The following MPP7 variants were observed in gnomAD, a reference collection of about 807,000 sequenced individuals.
MPP7 encodes MAGUK p55 subfamily member 7.
MPP7 carries 60 observed loss-of-function variants against 76.5 expected under a neutral mutation model. The ratio of observed to expected loss-of-function variants is 0.78; its 90% CI spans 0.64 to 0.97. The LOEUF is 0.97. MPP7 is among the 50% of genes least tolerant of loss of function. The pLI, the probability that MPP7 is intolerant of heterozygous loss-of-function variation, is 0.00. For missense variants in MPP7, 641 were observed against 694.0 expected (o/e 0.92, Z 0.86); for synonymous variants, 237 against 244.5 (o/e 0.97, Z 0.29).
chr10:28,193,612 A>G (rs568139447), intron 3 of MPP7, among the ~76,000 whole-genome samples: 1 of 152,318 alleles, frequency 6.6e-6, no homozygotes, highest in Non-Finnish European at 1.5e-5. Flanking sequence ...TTTGTGAGAG[A>G]CACCACTAAG....
chr10:28,072,920 G>A (rs146336411), intron 12 of MPP7, among the ~76,000 whole-genome samples: 1 of 152,050 alleles, frequency 6.6e-6, no homozygotes, highest in East Asian at 1.9e-4. Context: ...TATCACACTT[G>A]CCAATGAAAC....
chr10:28,126,031 A>G (rs1250808126), intron 6 of MPP7, among the ~76,000 whole-genome samples: 5 of 152,242 alleles, frequency 3.3e-5, no homozygotes, highest in Non-Finnish European at 7.3e-5. Flanking sequence ...ATTTTTCTCC[A>G]GTTTGTCAAT....
chr10:28,301,352 C>A (rs1169759247), intron 1 of MPP7, among the ~76,000 whole-genome samples: 1 of 152,064 alleles, frequency 6.6e-6, no homozygotes. Flanking sequence ...GGAAAGCTTC[C>A]CAAAATTTAA....
At chr10:28,309,810 G>A (rs1841279128) in intron 2 of MPP7, among the ~76,000 whole-genome samples, 1 of 151,758 alleles carries the variant, frequency 6.6e-6, no homozygotes, top group African/African-American at 2.4e-5. Flanking sequence ...ATCTGGTTGA[G>A]TAAAGTGTGT....
chr10:28,157,520 T>A (rs1836107697), intron 3 of MPP7, among the ~76,000 whole-genome samples: 1 of 152,234 alleles, frequency 6.6e-6, no homozygotes, highest in South Asian at 2.1e-4. Flanking sequence ...AAACTGGTTG[T>A]CACTTCCTTA....
chr10:28,217,673 G>C (rs913006577), intron 2 of MPP7, among the ~76,000 whole-genome samples: 1 of 151,954 alleles, frequency 6.6e-6, no homozygotes, highest in African/African-American at 2.4e-5. Flanking sequence ...ATTATCTTCT[G>C]AATTACTAAG....
chr10:28,230,149 A>C (rs1838833239), intron 2 of MPP7, among the ~76,000 whole-genome samples: 1 of 152,168 alleles, frequency 6.6e-6, no homozygotes, highest in South Asian at 2.1e-4. Context: ...GTATAACATC[A>C]AGACATAGGG....
At chr10:28,238,517 C>T (rs769173997) in intron 2 of MPP7, 51 bp downstream of exon 2, 3 of 1,594,782 alleles carry the variant, frequency 1.9e-6, no homozygotes, top group Non-Finnish European at 2.6e-6. Flanking sequence ...TCACTGTGAA[C>T]AAGATTTAAG....
chr10:28,147,557 C>T lies in MPP7; in HGVS notation c.241G>A (p.Glu81Lys), dbSNP rs142463330. Residue 81 changes from glutamate to lysine, a missense_variant, in exon 5 of 17, where the codon GAA becomes AAA. Coordinates refer to ENST00000683449, the MANE Select transcript of MPP7 (RefSeq NM_001318170.2). ...TTTAATGGCTTGTTCTGAAGCTCTT[C>T]GGCCAGCTGCAACGGAGATTACATT... ...GAAALADDLA[E>K]ELQNKPLNSE... The T allele has an allele frequency of 2.9e-5, 46 of 1,613,772 alleles. 1 individual carries two copies. Among genetic ancestry groups the T allele is most frequent in the Middle Eastern group, 1.6e-4 (1 of 6,084 alleles).
intron 1 of MPP7, among the ~76,000 whole-genome samples, chr10:28,255,854 G>A (rs1839767783): frequency 6.6e-6 from 1 of 152,214 alleles, no homozygotes; most frequent in Non-Finnish European, 1.5e-5. Context: ...AATATGTCAA[G>A]TACTCATTAG....
At chr10:28,222,021 G>T (rs191153768) in intron 2 of MPP7, among the ~76,000 whole-genome samples, 9 of 152,180 alleles carry the variant, frequency 5.9e-5, no homozygotes, top group African/African-American at 2.2e-4. Flanking sequence ...AGAGGAAAAG[G>T]TCATGTTGTT....
intron 3 of MPP7, among the ~76,000 whole-genome samples, chr10:28,198,204 T>G (rs899170190): frequency 1.3e-5 from 2 of 152,196 alleles, no homozygotes; most frequent in Admixed American, 6.5e-5. Flanking sequence ...AACAATTCCA[T>G]ATTCTTATCC....
intron 1 of MPP7, among the ~76,000 whole-genome samples, chr10:28,268,875 C>T (rs577247542): frequency 2.6e-5 from 4 of 151,854 alleles, no homozygotes; most frequent in East Asian, 1.9e-4. Flanking sequence ...GCCAAGATTG[C>T]GCCACTGCAC....
At chr10:28,269,366 T>G (rs1840248123) in intron 1 of MPP7, among the ~76,000 whole-genome samples, 1 of 152,164 alleles carries the variant, frequency 6.6e-6, no homozygotes, top group South Asian at 2.1e-4. Flanking sequence ...AGTCCAACCT[T>G]GCATAAGCAT....
chr10:28,248,433 C>T (rs1391715610), intron 1 of MPP7, among the ~76,000 whole-genome samples: 2 of 152,136 alleles, frequency 1.3e-5, no homozygotes, highest in African/African-American at 2.4e-5. Flanking sequence ...CACTCCGACG[C>T]GGCTCAAGTG....
chr10:28,239,744 C>T (rs1464712603), intron 1 of MPP7, among the ~76,000 whole-genome samples: 1 of 152,110 alleles, frequency 6.6e-6, no homozygotes, highest in Non-Finnish European at 1.5e-5. Flanking sequence ...AGCATAGTAG[C>T]TAAGAACAAG....
chr10:28,072,970 C>T (rs1482969176), intron 12 of MPP7, among the ~76,000 whole-genome samples: 1 of 152,164 alleles, frequency 6.6e-6, no homozygotes, highest in Non-Finnish European at 1.5e-5. Context: ...TCTCCATACC[C>T]ACTGCTGAGC....
intron 2 of MPP7, among the ~76,000 whole-genome samples, chr10:28,237,219 G>A (rs1253094467): frequency 6.6e-6 from 1 of 152,066 alleles, no homozygotes; most frequent in African/African-American, 2.4e-5. Flanking sequence ...TTCATTACAC[G>A]ACTGTAGTAA....
intron 3 of MPP7, among the ~76,000 whole-genome samples, chr10:28,195,099 T>C (rs1837537622): frequency 2.0e-5 from 3 of 152,168 alleles, no homozygotes; most frequent in Non-Finnish European, 4.4e-5. Context: ...TGGACATTTC[T>C]CCAAAGAAGA....
Sources: allele counts gnomAD v4.1 joint callset (sites outside exome capture counted in the v4.1 genomes callset), GRCh38; gene constraint gnomAD v4.1.1; transcripts MANE v1.5; gene names NCBI Gene and HGNC (gene_info 2026-07-23, HGNC 2026-07-21).